CALD1: variants seen among roughly 807,000 people sequenced by gnomAD.
CALD1 encodes caldesmon 1, also known as caldesmon.
A neutral mutation model predicts 99.9 loss-of-function variants in CALD1; 33 were observed. The observed-to-expected ratio is 0.33, with a 90% CI of 0.25 to 0.44. The LOEUF is 0.44. Among genes scored for constraint, CALD1 ranks in the 20% least tolerant of loss-of-function variants. CALD1 has a pLI of 1.00. For synonymous variants in CALD1, 310 were observed against 325.0 expected, an observed-to-expected ratio of 0.95 and a Z score of 0.50; for missense variants, 861 against 962.1, an observed-to-expected ratio of 0.89 and a Z score of 1.39.
chr7:134,867,872 C>A, intron 3 of CALD1, 68 bp downstream of exon 3: 1 of 1,005,866 alleles, frequency 9.9e-7, no homozygotes, highest in South Asian at 1.6e-5. Flanking sequence ...CCTCAAAGAC[C>A]ATCCTTTTGA....
chr7:134,759,066 G>C (rs1796754996), intron 1 of CALD1, among the ~76,000 whole-genome samples: 1 of 152,136 alleles, frequency 6.6e-6, no homozygotes, highest in African/African-American at 2.4e-5. Flanking sequence ...TCTAGTTAGT[G>C]TACTGTGACC....
chr7:134,951,667 A>C (rs1807349521), intron 9 of CALD1, among the ~76,000 whole-genome samples: 1 of 152,192 alleles, frequency 6.6e-6, no homozygotes, highest in East Asian at 1.9e-4. Flanking sequence ...ATTTGATGTA[A>C]AACAGAGTGC....
the CALD1 span, among the ~76,000 whole-genome samples, chr7:134,738,356 C>T: frequency 6.6e-6 from 1 of 152,194 alleles, no homozygotes; most frequent in East Asian, 1.9e-4. Flanking sequence ...CCTAGGCATA[C>T]ACAAAAGGCA....
At chr7:134,907,672 A>G (rs1308713617) in intron 3 of CALD1, among the ~76,000 whole-genome samples, 1 of 152,208 alleles carries the variant, frequency 6.6e-6, no homozygotes, top group Non-Finnish European at 1.5e-5. Context: ...GACTTTAAAA[A>G]AAAATTGTTT....
At chr7:134,813,953 G>A (rs537735982) in intron 1 of CALD1, among the ~76,000 whole-genome samples, 1 of 152,266 alleles carries the variant, frequency 6.6e-6, no homozygotes, top group South Asian at 2.1e-4. Context: ...GAAGCCCAAG[G>A]AACTAAGAGG....
At chr7:134,927,551 CAAAAAAAAAAAAAAAAA>C (rs58182455) in intron 3 of CALD1, among the ~76,000 whole-genome samples, 1 of 40,382 alleles carries the variant, frequency 2.5e-5, no homozygotes, top group Non-Finnish European at 4.1e-5. Context: ...GACTGTGTCT[CAAAAAAAAAAAAAAAAA>C]AAAAAAAAGC....
At chr7:134,854,242 T>C (rs2132237914) in intron 2 of CALD1, among the ~76,000 whole-genome samples, 1 of 152,310 alleles carries the variant, frequency 6.6e-6, no homozygotes. Flanking sequence ...ATGGGATTGC[T>C]GGGTCAAATG....
At chr7:134,894,135 T>C (rs1802397187) in intron 3 of CALD1, among the ~76,000 whole-genome samples, 1 of 152,198 alleles carries the variant, frequency 6.6e-6, no homozygotes, top group East Asian at 1.9e-4. Flanking sequence ...AGGAATGTCC[T>C]TGTGGACAAA....
the CALD1 span, among the ~76,000 whole-genome samples, chr7:134,716,792 T>C: frequency 1.3e-5 from 2 of 152,220 alleles, no homozygotes; most frequent in Non-Finnish European, 2.9e-5. Context: ...ATTTATACTG[T>C]AGACTTTGAT....
the CALD1 span, among the ~76,000 whole-genome samples, chr7:134,727,581 A>G: frequency 2.0e-5 from 3 of 152,260 alleles, no homozygotes; most frequent in Non-Finnish European, 4.4e-5. Flanking sequence ...CTTGAACAGG[A>G]GGAACAAGGA....
intron 3 of CALD1, among the ~76,000 whole-genome samples, chr7:134,918,206 G>A (rs1490989732): frequency 2.0e-5 from 3 of 152,132 alleles, no homozygotes; most frequent in Non-Finnish European, 4.4e-5. Flanking sequence ...CTCAATAAAA[G>A]ATAAATCCAG....
chr7:134,964,772 G>A (rs1165963518), intron 13 of CALD1, among the ~76,000 whole-genome samples: 1 of 152,134 alleles, frequency 6.6e-6, no homozygotes, highest in Non-Finnish European at 1.5e-5. Context: ...TAAGAGTGCA[G>A]AAATTTAAAA....
intron 3 of CALD1, among the ~76,000 whole-genome samples, chr7:134,878,421 T>A (rs1801447057): frequency 6.6e-6 from 1 of 151,786 alleles, no homozygotes; most frequent in Admixed American, 6.6e-5. Flanking sequence ...ATACAAAAAT[T>A]AGCCGGGCAT....
intron 7 of CALD1, among the ~76,000 whole-genome samples, chr7:134,943,928 G>A (rs530248522): frequency 1.3e-5 from 2 of 152,242 alleles, no homozygotes; most frequent in Admixed American, 1.3e-4. Flanking sequence ...GGATGTATTA[G>A]GACTTATTTA....
upstream of CALD1, among the ~76,000 whole-genome samples, chr7:134,776,958 G>A (rs542692058): frequency 7.9e-5 from 12 of 152,020 alleles, no homozygotes; most frequent in East Asian, 3.8e-4. Context: ...ATTATGGTTC[G>A]ATTAAGTTGA....
chr7:134,920,576 G>A, intron 3 of CALD1: 1 of 1,287,618 alleles, frequency 7.8e-7, no homozygotes, highest in Non-Finnish European at 1.0e-6. Flanking sequence ...TAGTGTTCTG[G>A]ATTGAGTATC....
At chr7:134,868,027 A>G in intron 3 of CALD1, 1 of 344,034 alleles carries the variant, frequency 2.9e-6, no homozygotes, top group Non-Finnish European at 5.4e-6. Context: ...GAATCAATTG[A>G]TAACTGCATA....
intron 13 of CALD1, among the ~76,000 whole-genome samples, chr7:134,964,307 G>A (rs1808504926): frequency 6.6e-6 from 1 of 152,158 alleles, no homozygotes; most frequent in African/African-American, 2.4e-5. Context: ...AACCCTACAG[G>A]GGCTGAGGTT....
At chr7:134,894,996 G>C (rs1462854505) in intron 3 of CALD1, among the ~76,000 whole-genome samples, 1 of 151,814 alleles carries the variant, frequency 6.6e-6, no homozygotes, top group Non-Finnish European at 1.5e-5. Flanking sequence ...AACATGGAAG[G>C]GTATGTAAAT....
Sources: allele counts gnomAD v4.1 joint callset (sites outside exome capture counted in the v4.1 genomes callset), GRCh38; gene constraint gnomAD v4.1.1; transcripts MANE v1.5; gene names NCBI Gene and HGNC (gene_info 2026-07-23, HGNC 2026-07-21).